The following SH2D4B variants were observed in gnomAD, a reference collection of about 807,000 sequenced individuals.
SH2D4B encodes SH2 domain-containing protein 4B.
A neutral mutation model predicts 61.5 loss-of-function variants in SH2D4B; 45 were observed. That is an observed-to-expected ratio of 0.73 (90% CI 0.58 to 0.94). The LOEUF is 0.94. SH2D4B is among the 40% of genes least tolerant of loss of function. The pLI is 0.00. For synonymous variants in SH2D4B, 224 were observed against 220.4 expected (o/e 1.02, Z -0.14); for missense variants, 572 against 574.2 (o/e 1.00, Z 0.04).
At chr10:80,561,764 G>A (rs1841905114) in intron 1 of SH2D4B, among the ~76,000 whole-genome samples, 1 of 152,016 alleles carries the variant, frequency 6.6e-6, no homozygotes, top group African/African-American at 2.4e-5. Flanking sequence ...ATACCACATT[G>A]CAACTAACAT....
At position 80,587,130 on chromosome 10, in the gene SH2D4B, GT is replaced by G. The variant is rs1186883717; in HGVS notation, c.496-1485del. Reference sequence around the variant, plus strand: ...CCAAGAACCCACCAATTCCGGCCACGTTTTTTTTTTTTTTTGTTTTGTTTTT... The same window carrying G: ...CCAAGAACCCACCAATTCCGGCCACGTTTTTTTTTTTTTTGTTTTGTTTTT... On this transcript the variant is annotated intron_variant, in intron 3 of 7. Coordinates refer to ENST00000646907, the MANE Select transcript of SH2D4B (RefSeq NM_001388272.1). Among the ~76,000 whole-genome samples the G allele has an allele frequency of 6.8e-3, 455 of 67,246 alleles. 3 individuals carry two copies. The highest frequency in any genetic ancestry group is 0.058 in the South Asian group (118 of 2,034). 44.1% of individuals were successfully genotyped at this position (67,246 alleles called of 152,430 possible).
Position 80,588,622 on chromosome 10 carries a change from C to T in SH2D4B, c.496-8C>T. ...ATCTCGTGTTGTTCTGTTCCCATGA[C>T]ATTTTAGAGGAAAGAGGAAGAGGAG... On this transcript the variant is annotated splice_region_variant and splice_polypyrimidine_tract_variant and intron_variant, in intron 3 of 7. Coordinates refer to ENST00000646907, the MANE Select transcript of SH2D4B (RefSeq NM_001388272.1). 1 of 1,613,492 alleles carries T rather than the reference C, an allele frequency of 6.2e-7. No individual in the cohort carries two copies. The highest frequency in any genetic ancestry group is 1.3e-5 in the African/African-American group (1 of 75,042).
At chr10:80,594,967 A>G (rs1242446497) in intron 4 of SH2D4B, among the ~76,000 whole-genome samples, 1 of 152,132 alleles carries the variant, frequency 6.6e-6, no homozygotes, top group Non-Finnish European at 1.5e-5. Context: ...ATCTTTTTTT[A>G]TTCCCAGTGA....
At chr10:80,577,500 C>T (rs1319081401) in intron 3 of SH2D4B, among the ~76,000 whole-genome samples, 1 of 151,408 alleles carries the variant, frequency 6.6e-6, no homozygotes, top group Non-Finnish European at 1.5e-5. Flanking sequence ...AATCTCAGCT[C>T]ACTGCAAGCT....
chr10:80,540,006 T>C lies in SH2D4B; in HGVS notation c.184+1491T>C, dbSNP rs570061752. Among the ~76,000 whole-genome samples, 275 of 152,266 alleles carry C rather than the reference T, an allele frequency of 1.8e-3. 1 individual carries two copies. Among genetic ancestry groups the C allele is most frequent in the African/African-American group, 6.1e-3 (254 of 41,558 alleles). On this transcript the variant is annotated intron_variant, in intron 1 of 7. Coordinates refer to ENST00000646907, the MANE Select transcript of SH2D4B (RefSeq NM_001388272.1). The stretch of plus-strand genomic sequence containing the variant: ...CGGCCTGAGCCCTGGGGACTCATGA[T>C]GCCTGCATGATGACTCTTCTTGGAG...
intron 3 of SH2D4B, among the ~76,000 whole-genome samples, chr10:80,572,964 ATATATATATATATATATATATATTTTT>A (rs1276879629): frequency 0.023 from 142 of 6,282 alleles, no homozygotes; most frequent in Middle Eastern, 0.083. Context: ...ATATATATAT[ATATATATATATATATATATATATTTTT>A]TTTTTTTTTT....
rs771647775 is a variant in SH2D4B, at chr10:80,570,189, G to A, written c.220G>A (p.Ala74Thr). ...CAAGCACATCCAATGGCTCCTAGGG[G>A]CAGATGGCGAGGTCTGGGTCTGGAT... The part of the protein sequence containing the change: ...SDKHIQWLLG[A>T]DGEVWVWIMG... Residue 74 changes from alanine (A) to threonine (T), a missense_variant, in exon 2 of 8, where the codon GCA becomes ACA. Ala to Thr is a moderately conservative substitution (Grantham distance 58). Coordinates refer to ENST00000646907, the MANE Select transcript of SH2D4B (RefSeq NM_001388272.1). 6.2e-7 allele frequency: 1 copy of A among 1,614,058 alleles called. No individual in the cohort carries two copies. The highest frequency in any genetic ancestry group is 8.5e-7 in the Non-Finnish European group (1 of 1,180,034).
chr10:80,623,730 G>T (rs1205901555), intron 6 of SH2D4B, among the ~76,000 whole-genome samples: 1 of 152,130 alleles, frequency 6.6e-6, no homozygotes, highest in Non-Finnish European at 1.5e-5. Context: ...GAATCGTGAG[G>T]TGCTTTAAAT....
At chr10:80,603,935 A>C (rs1348177861) in intron 5 of SH2D4B, 140 bp downstream of exon 5, 1 of 704,912 alleles carries the variant, frequency 1.4e-6, no homozygotes, top group Non-Finnish European at 2.3e-6. Context: ...CTTCAGCCCT[A>C]GTCTAGGGTA....
At chr10:80,592,187 C>T (rs1361073177) in intron 4 of SH2D4B, among the ~76,000 whole-genome samples, 1 of 152,096 alleles carries the variant, frequency 6.6e-6, no homozygotes, top group East Asian at 1.9e-4. Flanking sequence ...GTTTATATAT[C>T]ATCTTTGGAG....
intron 4 of SH2D4B, among the ~76,000 whole-genome samples, chr10:80,594,489 C>T (rs1055146395): frequency 1.3e-5 from 2 of 152,178 alleles, no homozygotes; most frequent in Non-Finnish European, 2.9e-5. Flanking sequence ...CAGGGTAATA[C>T]TAGCCTCAAA....
intron 4 of SH2D4B, among the ~76,000 whole-genome samples, chr10:80,598,208 T>C (rs1160483940): frequency 1.3e-5 from 2 of 152,114 alleles, no homozygotes; most frequent in African/African-American, 4.8e-5. Flanking sequence ...CTGAGGCCTG[T>C]TGGGAGGGTG....
chr10:80,619,620 G>A (rs773413269), intron 6 of SH2D4B, among the ~76,000 whole-genome samples: 6 of 152,250 alleles, frequency 3.9e-5, no homozygotes, highest in African/African-American at 1.2e-4. Context: ...AGGCCTGGCT[G>A]CAGCAGCCAC....
intron 5 of SH2D4B, 87 bp downstream of exon 5, chr10:80,603,882 C>T: frequency 8.1e-7 from 1 of 1,234,842 alleles, no homozygotes; most frequent in Non-Finnish European, 1.1e-6. Flanking sequence ...CGGGTCTGCC[C>T]CAGATTTGCT....
At position 80,554,742 on chromosome 10, in the gene SH2D4B, GCT is replaced by G. The variant is rs1841805601; in HGVS notation, c.185-15411_185-15410del. Among the ~76,000 whole-genome samples the G allele has an allele frequency of 2.6e-5, 4 of 152,118 alleles. No homozygotes were observed. In the South Asian group the frequency reaches 8.3e-4, roughly 31 times the overall value. ...ATCCATAAAATGGCTGGGCGCGGTGGCTTACGCCTGTAATCTCAGCACTTTGG... is the reference window on the plus strand; with the variant it reads ...ATCCATAAAATGGCTGGGCGCGGTGGTACGCCTGTAATCTCAGCACTTTGG... On this transcript the variant is annotated intron_variant, in intron 1 of 7. Coordinates refer to ENST00000646907, the MANE Select transcript of SH2D4B (RefSeq NM_001388272.1).
chr10:80,543,620 G>A (rs1200080600), intron 1 of SH2D4B, among the ~76,000 whole-genome samples: 2 of 152,234 alleles, frequency 1.3e-5, no homozygotes. Flanking sequence ...GGGACTGGCA[G>A]GCAGCTCCAC....
chr10:80,617,656 AAG>A (rs1175163918), intron 6 of SH2D4B, among the ~76,000 whole-genome samples: 1 of 152,232 alleles, frequency 6.6e-6, no homozygotes, highest in Non-Finnish European at 1.5e-5. Context: ...TGTAACCTAA[AAG>A]AGAATTTTCA....
chr10:80,610,819 G>A (rs1481764066), intron 6 of SH2D4B, among the ~76,000 whole-genome samples: 1 of 152,120 alleles, frequency 6.6e-6, no homozygotes. Context: ...CGTGCCCTTT[G>A]GGAGTTGGTT....
chr10:80,568,164 G>A (rs542463309), intron 1 of SH2D4B, among the ~76,000 whole-genome samples: 10 of 151,574 alleles, frequency 6.6e-5, no homozygotes, highest in Non-Finnish European at 1.3e-4. Flanking sequence ...GAGAGATCAC[G>A]TTCTTAATGT....
Sources: gnomAD v4.1 joint callset for allele counts (sites outside exome capture counted in the v4.1 genomes callset) on GRCh38, gnomAD v4.1.1 for gene constraint, MANE v1.5 for transcripts, NCBI Gene and HGNC (gene_info 2026-07-23, HGNC 2026-07-21) for gene names.